UBE2QL1: variants seen among roughly 807,000 people sequenced by gnomAD.
UBE2QL1 encodes the protein ubiquitin conjugating enzyme E2 QL1, also known as ubiquitin-conjugating enzyme E2Q-like protein 1.
Under a neutral mutation model 12.6 loss-of-function variants are expected in UBE2QL1, and 5 were observed. The observed-to-expected ratio is 0.40, with a 90% CI of 0.21 to 0.83. The LOEUF (loss-of-function observed/expected upper bound fraction) is 0.83, where lower values mean the gene tolerates loss of function less well. UBE2QL1 is among the 40% of genes least tolerant of loss of function. The pLI is 0.37. For missense variants in UBE2QL1, 99 were observed against 222.6 expected, an observed-to-expected ratio of 0.44 and a Z score of 3.53; for synonymous variants, 96 against 94.5, an observed-to-expected ratio of 1.02 and a Z score of -0.10.
intron 1 of UBE2QL1, among the ~76,000 whole-genome samples, chr5:6,471,563 A>G (rs1367156888): frequency 6.6e-6 from 1 of 152,004 alleles, no homozygotes; most frequent in Non-Finnish European, 1.5e-5. Context: ...GGAGCTAGGG[A>G]GAGAGAGAGA....
intron 1 of UBE2QL1, among the ~76,000 whole-genome samples, chr5:6,450,027 G>A (rs935539426): frequency 4.0e-5 from 6 of 151,800 alleles, no homozygotes; most frequent in Non-Finnish European, 7.4e-5. Context: ...TTGCTCTTGG[G>A]AACTCACTCT....
chr5:6,458,771 T>C (rs925277703), intron 1 of UBE2QL1, among the ~76,000 whole-genome samples: 1 of 152,220 alleles, frequency 6.6e-6, no homozygotes, highest in Admixed American at 6.5e-5. Flanking sequence ...TTCACCAGAA[T>C]TGAGTGAGTT....
intron 1 of UBE2QL1, among the ~76,000 whole-genome samples, chr5:6,450,476 A>G (rs187242738): frequency 6.6e-6 from 1 of 152,332 alleles, no homozygotes; most frequent in Non-Finnish European, 1.5e-5. Context: ...TTACTTAAGA[A>G]AATTACATTG....
At chr5:6,458,351 A>C (rs1354459020) in intron 1 of UBE2QL1, among the ~76,000 whole-genome samples, 1 of 152,238 alleles carries the variant, frequency 6.6e-6, no homozygotes, top group Non-Finnish European at 1.5e-5. Flanking sequence ...TTGGAAATTG[A>C]AGGGAAAATT....
intron 1 of UBE2QL1, among the ~76,000 whole-genome samples, chr5:6,488,334 G>A (rs1579303528): frequency 1.3e-5 from 2 of 152,258 alleles, no homozygotes; most frequent in East Asian, 3.9e-4. Context: ...CCACAGAATA[G>A]TCCAGGATGA....
At chr5:6,469,990 A>G (rs551421782) in intron 1 of UBE2QL1, among the ~76,000 whole-genome samples, 30 of 152,194 alleles carry the variant, frequency 2.0e-4, no homozygotes, top group Non-Finnish European at 3.8e-4. Context: ...GGACCCTGCA[A>G]TGGTCTGTGG....
chr5:6,451,765 G>A (rs1383588928), intron 1 of UBE2QL1, among the ~76,000 whole-genome samples: 5 of 152,226 alleles, frequency 3.3e-5, no homozygotes, highest in African/African-American at 1.2e-4. Flanking sequence ...AAAGGATTCT[G>A]ATGGTGTTTC....
At chr5:6,449,866 C>CT (rs1739375871) in intron 1 of UBE2QL1, among the ~76,000 whole-genome samples, 1 of 99,616 alleles carries the variant, frequency 1.0e-5, no homozygotes, top group African/African-American at 3.4e-5. Context: ...CCCACCTCCC[C>CT]AACCCCCCCC....
Position 6,494,827 on chromosome 5 carries a change from T to C in UBE2QL1, c.*3478T>C. On this transcript the variant is annotated 3_prime_UTR_variant, in exon 2 of 2. Transcript: ENST00000399816. ...AAATCAACCAATAACTAACTGGCCA[T>C]CTCTCCACTCACTCAGCATTCTCCT... The C allele has an allele frequency of 6.6e-6, 1 of 152,112 alleles. No individual in the cohort carries two copies. The highest frequency in any genetic ancestry group is 1.9e-4 in the East Asian group (1 of 5,186). 9.4% of individuals were successfully genotyped at this position (152,112 alleles called of 1,614,324 possible). A position where few individuals can be genotyped will look rare whatever the true frequency, so the allele number is the denominator to read the frequency against.
At chr5:6,462,648 G>A (rs764400806) in intron 1 of UBE2QL1, among the ~76,000 whole-genome samples, 21 of 152,140 alleles carry the variant, frequency 1.4e-4, no homozygotes, top group East Asian at 1.3e-3. Flanking sequence ...TTGACAGAAC[G>A]ACCTATTGGA....
intron 1 of UBE2QL1, among the ~76,000 whole-genome samples, chr5:6,468,951 C>T (rs2126347643): frequency 6.6e-6 from 1 of 152,328 alleles, no homozygotes; most frequent in African/African-American, 2.4e-5. Context: ...ACCGGTCTGC[C>T]ACAAGACTTG....
chr5:6,486,587 T>C (rs1383134475), intron 1 of UBE2QL1, among the ~76,000 whole-genome samples: 1 of 152,188 alleles, frequency 6.6e-6, no homozygotes, highest in Non-Finnish European at 1.5e-5. Context: ...GAATCCGTCA[T>C]ACTGTCTGGG....
chr5:6,485,389 CT>C (rs1297917066), intron 1 of UBE2QL1, among the ~76,000 whole-genome samples: 2 of 152,302 alleles, frequency 1.3e-5, no homozygotes, highest in East Asian at 3.9e-4. Flanking sequence ...CTAGGATTTG[CT>C]TTGAACATTA....
chr5:6,456,128 A>G lies in UBE2QL1; in HGVS notation c.354+6881A>G, dbSNP rs145210399. 4.2e-3 allele frequency among the ~76,000 whole-genome samples: 633 copies of G among 152,336 alleles called. 6 individuals are homozygous for G. The highest frequency in any genetic ancestry group is 0.014 in the African/African-American group (578 of 41,570). ...CCTAGGCATCATTGGGGGATCAGAT[A>G]CACATCAAGTGCCTGCCACAGGGAA... On this transcript the variant is annotated intron_variant, in intron 1 of 1. Transcript: ENST00000399816.
At chr5:6,483,707 C>T (rs535623362) in intron 1 of UBE2QL1, among the ~76,000 whole-genome samples, 2 of 152,196 alleles carry the variant, frequency 1.3e-5, no homozygotes, top group Non-Finnish European at 2.9e-5. Context: ...GCAGAAACTA[C>T]ATATCTCTAT....
At chr5:6,459,782 G>A (rs745377384) in intron 1 of UBE2QL1, among the ~76,000 whole-genome samples, 10 of 152,146 alleles carry the variant, frequency 6.6e-5, no homozygotes, top group East Asian at 1.9e-4. Flanking sequence ...ACTGTAATGC[G>A]ATTTTAAAAC....
At chr5:6,489,456 AAAAAGG>A (rs1231632159) in intron 1 of UBE2QL1, among the ~76,000 whole-genome samples, 1 of 151,702 alleles carries the variant, frequency 6.6e-6, no homozygotes, top group Admixed American at 6.6e-5. Context: ...AAATTTTTTA[AAAAAGG>A]AAAAGGTTCT....
chr5:6,461,674 A>T (rs1310865543), intron 1 of UBE2QL1, among the ~76,000 whole-genome samples: 1 of 151,998 alleles, frequency 6.6e-6, no homozygotes, highest in Admixed American at 6.5e-5. Context: ...GGTTTGTAAT[A>T]TCAGCAAATA....
chr5:6,449,318 C>A (rs1365429697), intron 1 of UBE2QL1, 71 bp downstream of exon 1: 4 of 1,283,618 alleles, frequency 3.1e-6, no homozygotes, highest in Non-Finnish European at 3.9e-6. Context: ...GGCGCCCGGG[C>A]CCCGTGGTGA....
Sources: gnomAD v4.1 joint callset for allele counts (sites outside exome capture counted in the v4.1 genomes callset) on GRCh38, gnomAD v4.1.1 for gene constraint, MANE v1.5 for transcripts, NCBI Gene and HGNC (gene_info 2026-07-23, HGNC 2026-07-21) for gene names.